KLRF1: variants seen among roughly 807,000 people sequenced by gnomAD.
KLRF1 encodes the protein killer cell lectin-like receptor subfamily F member 1.
KLRF1 carries 27 observed loss-of-function variants against 30.7 expected under a neutral mutation model. That is an observed-to-expected ratio of 0.88 (90% confidence interval 0.65 to 1.21). KLRF1 has a LOEUF of 1.21. Among genes scored for constraint, KLRF1 ranks in the 50% most tolerant of loss-of-function variants. KLRF1 has a pLI of 0.00. For missense variants in KLRF1, 246 were observed against 259.3 expected (o/e 0.95, Z 0.35); for synonymous variants, 92 against 89.3 (o/e 1.03, Z -0.17).
the KLRF1 span, chr12:9,817,766 T>G: frequency 4.8e-6 from 1 of 207,818 alleles, no homozygotes; most frequent in Non-Finnish European, 1.1e-5. Flanking sequence ...TTCCTTTTCC[T>G]TGATTATTCC....
the KLRF1 span, among the ~76,000 whole-genome samples, chr12:9,800,690 G>A: frequency 6.6e-6 from 1 of 151,572 alleles, no homozygotes; most frequent in African/African-American, 2.4e-5. Context: ...CAGATCTTTG[G>A]CCCATTTTTT....
In KLRF1 at chr12:9,829,411, A is replaced by T. The variant is rs770369988; in HGVS notation, c.85+1782A>T. The stretch of plus-strand genomic sequence containing the variant: ...TATGGATTTTTTTTCATTTTTGTTT[A>T]ACTTACTTTATAGTAGCATAAAACA... On this transcript the variant is annotated intron_variant, in intron 1 of 5. Coordinates refer to ENST00000617889, the MANE Select transcript of KLRF1 (RefSeq NM_016523.3). Among the ~76,000 whole-genome samples the T allele has an allele frequency of 2.0e-5, 3 of 151,880 alleles. No individual in the cohort carries two copies. In the South Asian group the frequency reaches 6.2e-4, roughly 32 times the overall value.
chr12:9,812,207 T>C, the KLRF1 span, among the ~76,000 whole-genome samples: 1 of 151,726 alleles, frequency 6.6e-6, no homozygotes, highest in African/African-American at 2.4e-5. Context: ...CTACTAAAAA[T>C]ACATAAAATT....
chr12:9,841,828 A>G lies in KLRF1; in HGVS notation c.351A>G (p.Glu117=). The G allele has an allele frequency of 6.2e-7, 1 of 1,606,978 alleles. No individual in the cohort carries two copies. The highest frequency in any genetic ancestry group is 8.5e-7 in the Non-Finnish European group (1 of 1,174,380). The change falls in exon 4 of 6, where the codon GAA becomes GAG. Residue 117 remains glutamate (E), a synonymous_variant. Transcript: ENST00000617889. ...SADQTVLCQS[E]WLKYQGKCYW... The stretch of plus-strand genomic sequence containing the variant: ...TCTCTGTAGTACTATGCCAATCAGA[A>G]TGGCTCAAATACCAAGGGAAGTGTT...
upstream of KLRF1, among the ~76,000 whole-genome samples, chr12:9,825,717 A>G (rs116170762): frequency 0.011 from 1,718 of 152,308 alleles, 33 homozygotes; most frequent in African/African-American, 0.039. Context: ...GAAACTATCA[A>G]CAGAGTGAAC....
chr12:9,818,743 T>G, the KLRF1 span, among the ~76,000 whole-genome samples: 1 of 152,198 alleles, frequency 6.6e-6, no homozygotes. Context: ...TATTTTTGTA[T>G]TTAGAATTAG....
the KLRF1 span, among the ~76,000 whole-genome samples, chr12:9,805,599 G>A: frequency 6.6e-6 from 1 of 151,976 alleles, no homozygotes; most frequent in East Asian, 1.9e-4. Context: ...TGCAAGATTT[G>A]TATTAATTTT....
the KLRF1 span, among the ~76,000 whole-genome samples, chr12:9,807,008 A>T: frequency 1.3e-5 from 2 of 151,524 alleles, no homozygotes; most frequent in Non-Finnish European, 2.9e-5. Context: ...TATTTACTTA[A>T]TTTTTTTTGG....
At chr12:9,814,788 A>G in the KLRF1 span, among the ~76,000 whole-genome samples, 2 of 89,294 alleles carry the variant, frequency 2.2e-5, no homozygotes, top group South Asian at 4.0e-4. Context: ...TGCTGCCACC[A>G]TAAAAGGTTA....
the KLRF1 span, among the ~76,000 whole-genome samples, chr12:9,805,934 A>C: frequency 6.2e-4 from 94 of 152,128 alleles, no homozygotes; most frequent in African/African-American, 2.2e-3. Context: ...CAGTCTACCT[A>C]AAGTTTAGTT....
chr12:9,840,744 C>T (rs189556985), intron 3 of KLRF1, among the ~76,000 whole-genome samples: 138 of 152,060 alleles, frequency 9.1e-4, no homozygotes, highest in African/African-American at 3.1e-3. Flanking sequence ...ATGTTAACGA[C>T]GATGAGGTAC....
the KLRF1 span, among the ~76,000 whole-genome samples, chr12:9,819,475 G>T: frequency 1.3e-5 from 2 of 152,118 alleles, no homozygotes; most frequent in African/African-American, 4.8e-5. Context: ...AAAATCCAAG[G>T]TGACTAAGGA....
intron 1 of KLRF1, among the ~76,000 whole-genome samples, chr12:9,829,773 G>A (rs1319700335): frequency 3.3e-5 from 5 of 152,010 alleles, no homozygotes. Flanking sequence ...AAATAAATAA[G>A]AATTTAAAAA....
intron 3 of KLRF1, among the ~76,000 whole-genome samples, chr12:9,838,099 A>G (rs557602252): frequency 2.0e-5 from 3 of 152,156 alleles, no homozygotes; most frequent in Non-Finnish European, 4.4e-5. Context: ...TCTACTCCTT[A>G]GCTTCTGGAG....
chr12:9,814,276 C>T, the KLRF1 span, among the ~76,000 whole-genome samples: 12 of 152,190 alleles, frequency 7.9e-5, no homozygotes, highest in Non-Finnish European at 2.9e-5. Context: ...ACAGCCACCC[C>T]GACTCCCAAT....
the KLRF1 span, among the ~76,000 whole-genome samples, chr12:9,821,977 C>CGGTGTA: frequency 6.6e-6 from 1 of 152,246 alleles, no homozygotes; most frequent in Non-Finnish European, 1.5e-5. Context: ...TGCACAAAGC[C>CGGTGTA]TCAACCCTGT....
At chr12:9,842,641 A>C (rs999640463) in intron 5 of KLRF1, among the ~76,000 whole-genome samples, 2 of 152,120 alleles carry the variant, frequency 1.3e-5, no homozygotes, top group Non-Finnish European at 2.9e-5. Context: ...ATGATTTTAA[A>C]ATTTCTCACA....
Position 9,834,288 on chromosome 12 carries a change from G to A in KLRF1, c.334+836G>A, listed in dbSNP as rs532683714. 4.1e-4 allele frequency among the ~76,000 whole-genome samples: 63 copies of A among 152,140 alleles called. 1 individual carries two copies. The highest frequency in any genetic ancestry group is 1.4e-3 in the African/African-American group (59 of 41,502). On this transcript the variant is annotated intron_variant, in intron 3 of 5. Transcript: ENST00000617889. ...CTTCAGGCCATCTGGGCGTATATAC[G>A]TTCAGGTCACAGGGGATGCGATGGC...
chr12:9,808,717 G>A, the KLRF1 span, among the ~76,000 whole-genome samples: 1 of 152,096 alleles, frequency 6.6e-6, no homozygotes, highest in Non-Finnish European at 1.5e-5. Context: ...AATATAGTTA[G>A]CTAAGTCTTA....
Sources: gnomAD v4.1 joint callset for allele counts (sites outside exome capture counted in the v4.1 genomes callset) on GRCh38, gnomAD v4.1.1 for gene constraint, MANE v1.5 for transcripts, NCBI Gene and HGNC (gene_info 2026-07-23, HGNC 2026-07-21) for gene names.